Variants in CPVL observed in about 807,000 individuals in gnomAD.
CPVL encodes probable serine carboxypeptidase CPVL.
A neutral mutation model predicts 63.7 loss-of-function variants in CPVL; 51 were observed. The ratio of observed to expected loss-of-function variants is 0.80; its 90% confidence interval spans 0.64 to 1.01. CPVL has a LOEUF of 1.01. Ranked by LOEUF, CPVL falls within the 50% of genes least tolerant of loss-of-function variation. The pLI, the probability that CPVL is intolerant of heterozygous loss-of-function variation, is 0.00. For synonymous variants in CPVL, 195 were observed against 206.0 expected (o/e 0.95, Z 0.46); for missense variants, 530 against 573.1 (o/e 0.92, Z 0.77).
intron 12 of CPVL, among the ~76,000 whole-genome samples, chr7:29,020,593 A>G (rs6977794): frequency 0.28 from 42,818 of 152,004 alleles, 7,929 homozygotes; most frequent in African/African-American, 0.52. Flanking sequence ...ACCATAGTGG[A>G]TGGCTTAAAC....
intron 5 of CPVL, among the ~76,000 whole-genome samples, chr7:29,166,027 GT>G (rs1444361902): frequency 1.3e-5 from 2 of 151,950 alleles, no homozygotes; most frequent in Non-Finnish European, 2.9e-5. Context: ...TGCAAAGTGG[GT>G]TTTTGTTTGT....
chr7:29,145,963 G>C (rs245877), intron 1 of CPVL: 55,651 of 151,966 alleles, frequency 0.37, 10,203 homozygotes, highest in East Asian at 0.39. Flanking sequence ...CCCTGCTTTG[G>C]GCACGTTCAA....
chr7:29,151,730 C>T (rs950285890), intron 5 of CPVL, among the ~76,000 whole-genome samples: 23 of 152,206 alleles, frequency 1.5e-4, no homozygotes, highest in African/African-American at 4.8e-4. Context: ...CCAGCTCAGC[C>T]ACTCATTAGC....
chr7:29,104,917 A>G (rs894621102), intron 3 of CPVL, among the ~76,000 whole-genome samples: 28 of 152,178 alleles, frequency 1.8e-4, no homozygotes, highest in African/African-American at 6.5e-4. Flanking sequence ...AGAGTGTTCA[A>G]ATATACCTAT....
At chr7:29,137,370 C>A (rs919391716) in intron 1 of CPVL, among the ~76,000 whole-genome samples, 2 of 152,182 alleles carry the variant, frequency 1.3e-5, no homozygotes, top group East Asian at 1.9e-4. Flanking sequence ...GATTGGCCCA[C>A]AGATTGGCTG....
chr7:29,127,668 C>T (rs1414493665), intron 1 of CPVL: 1 of 152,198 alleles, frequency 6.6e-6, no homozygotes, highest in African/African-American at 2.4e-5. Flanking sequence ...CTCCTGAGAG[C>T]TGGCCATGAA....
intron 12 of CPVL, chr7:29,010,113 T>TC (rs1455251225): frequency 1.3e-5 from 2 of 151,828 alleles, no homozygotes; most frequent in Non-Finnish European, 2.9e-5. Context: ...AAGTGGGAAG[T>TC]CCCCCTCTGG....
chr7:29,060,891 C>G lies in CPVL; in HGVS notation c.1137+3170G>C, dbSNP rs373664885. 2.0e-4 allele frequency among the ~76,000 whole-genome samples: 30 copies of G among 152,292 alleles called. No homozygotes were observed. The East Asian group carries it at 4.2e-3, about 22-fold the overall frequency. On this transcript the variant is annotated intron_variant, in intron 11 of 12. Coordinates refer to ENST00000265394, the MANE Select transcript of CPVL (RefSeq NM_031311.5). ...AATGGTACTAACGTTTTAAGCCAACCTAGGTTGTTCTGATTCCCGTTCTGA... is the reference window on the plus strand; with the variant it reads ...AATGGTACTAACGTTTTAAGCCAACGTAGGTTGTTCTGATTCCCGTTCTGA...
intron 12 of CPVL, among the ~76,000 whole-genome samples, chr7:29,029,306 T>G (rs192603042): frequency 2.0e-5 from 3 of 152,290 alleles, no homozygotes; most frequent in African/African-American, 7.2e-5. Context: ...TACTTGATAT[T>G]TTTCTAAAGG....
intron 6 of CPVL, among the ~76,000 whole-genome samples, chr7:29,090,310 T>C (rs1785638764): frequency 6.6e-6 from 1 of 152,196 alleles, no homozygotes; most frequent in African/African-American, 2.4e-5. Flanking sequence ...AGGGAGCCTC[T>C]TCTGCATTCA....
chr7:29,002,013 G>A (rs568996551), intron 12 of CPVL, among the ~76,000 whole-genome samples: 10 of 152,302 alleles, frequency 6.6e-5, no homozygotes, highest in African/African-American at 1.4e-4. Flanking sequence ...GGCCATGATC[G>A]TAGAGAAAAG....
At chr7:29,115,620 C>T (rs1788704080) in intron 2 of CPVL, among the ~76,000 whole-genome samples, 1 of 124,284 alleles carries the variant, frequency 8.0e-6, no homozygotes, top group Admixed American at 8.7e-5. Flanking sequence ...CAAAATCAAA[C>T]AGATACCACC....
chr7:29,051,974 C>A (rs1790215180), intron 11 of CPVL, among the ~76,000 whole-genome samples: 1 of 149,372 alleles, frequency 6.7e-6, no homozygotes, highest in Non-Finnish European at 1.5e-5. Context: ...ACTACTCAAC[C>A]ATAAAAAGGA....
chr7:29,156,515 G>A (rs1431406153), intron 5 of CPVL, among the ~76,000 whole-genome samples: 1 of 152,226 alleles, frequency 6.6e-6, no homozygotes, highest in Non-Finnish European at 1.5e-5. Context: ...CCAGCCATAT[G>A]TCATCTCCTT....
At chr7:29,051,462 A>G (rs1331056524) in intron 11 of CPVL, among the ~76,000 whole-genome samples, 1 of 152,166 alleles carries the variant, frequency 6.6e-6, no homozygotes, top group African/African-American at 2.4e-5. Context: ...TCTCAAAAGA[A>G]GATATACAAA....
At chr7:29,148,827 G>A (rs1793139834), upstream of CPVL, among the ~76,000 whole-genome samples, 1 of 152,198 alleles carries the variant, frequency 6.6e-6, no homozygotes, top group South Asian at 2.1e-4. Flanking sequence ...TACAATATAA[G>A]AGCTGTAATT....
chr7:29,079,532 G>C (rs186662923), intron 7 of CPVL, among the ~76,000 whole-genome samples: 1 of 152,288 alleles, frequency 6.6e-6, no homozygotes, highest in East Asian at 1.9e-4. Flanking sequence ...AGGATTAAAC[G>C]AGGTAATGCA....
chr7:29,146,778 G>A, upstream of CPVL: 1 of 1,549,050 alleles, frequency 6.5e-7, no homozygotes, highest in Non-Finnish European at 8.7e-7. Context: ...TTTTGATTTT[G>A]TCTCCCAGTT....
chr7:29,182,093 C>T (rs1798132800), intron 4 of CPVL, among the ~76,000 whole-genome samples: 1 of 152,140 alleles, frequency 6.6e-6, no homozygotes, highest in African/African-American at 2.4e-5. Flanking sequence ...AGACAATATT[C>T]CTTTTGCAAA....
Sources: allele counts gnomAD v4.1 joint callset (sites outside exome capture counted in the v4.1 genomes callset), GRCh38; gene constraint gnomAD v4.1.1; transcripts MANE v1.5; gene names NCBI Gene and HGNC (gene_info 2026-07-23, HGNC 2026-07-21).